AMBRA1: variants seen among roughly 807,000 people sequenced by gnomAD.
The protein encoded by AMBRA1 is autophagy and beclin 1 regulator 1, also known as activating molecule in BECN1-regulated autophagy protein 1.
AMBRA1 carries 47 observed loss-of-function variants against 125.4 expected under a neutral mutation model. The ratio of observed to expected loss-of-function variants is 0.37; its 90% CI spans 0.30 to 0.48. The LOEUF is 0.48. AMBRA1 is among the 20% of genes least tolerant of loss of function. The pLI is 0.99. For missense variants in AMBRA1, 1,331 were observed against 1,693.4 expected (o/e 0.79, Z 3.76); for synonymous variants, 626 against 655.5 (o/e 0.95, Z 0.69).
chr11:46,515,341 T>C (rs1233695170), intron 7 of AMBRA1, among the ~76,000 whole-genome samples: 1 of 152,054 alleles, frequency 6.6e-6, no homozygotes, highest in Non-Finnish European at 1.5e-5. Flanking sequence ...GGCGTGGTGG[T>C]GCGTGCCTAT....
intron 11 of AMBRA1, among the ~76,000 whole-genome samples, chr11:46,461,576 G>T (rs1351545178): frequency 2.6e-5 from 4 of 152,198 alleles, no homozygotes; most frequent in African/African-American, 9.7e-5. Flanking sequence ...AATACTTGGG[G>T]ATGTGGAGTC....
At chr11:46,484,979 C>A (rs1327234813) in intron 11 of AMBRA1, among the ~76,000 whole-genome samples, 1 of 151,582 alleles carries the variant, frequency 6.6e-6, no homozygotes, top group Non-Finnish European at 1.5e-5. Context: ...CTCTTGTCCC[C>A]CAGGCTGGAG....
rs1249043808 is a variant in AMBRA1, at chr11:46,499,727, G to C, written c.2340-5523C>G. Among the ~76,000 whole-genome samples the C allele has an allele frequency of 3.3e-5, 5 of 151,976 alleles. No homozygotes were observed. The South Asian group carries it at 8.3e-4, about 25-fold the overall frequency. ...GCTGGAGTGTAGTGGTGCAATCTCA[G>C]TTCACTGCAACCTCCGCCTCCTGTG... On this transcript the variant is annotated intron_variant, in intron 9 of 17. Transcript: ENST00000683756.
At chr11:46,425,380 G>A (rs898062165) in intron 14 of AMBRA1, among the ~76,000 whole-genome samples, 7 of 151,182 alleles carry the variant, frequency 4.6e-5, no homozygotes, top group South Asian at 2.1e-4. Context: ...GTTCAGGACA[G>A]GGATTATATT....
intron 7 of AMBRA1, among the ~76,000 whole-genome samples, chr11:46,534,337 A>G (rs972379985): frequency 4.0e-5 from 6 of 151,692 alleles, no homozygotes; most frequent in Non-Finnish European, 8.8e-5. Context: ...TACTAAAAAT[A>G]CAGAAAAGTT....
chr11:46,426,283 C>T (rs1448742504), intron 14 of AMBRA1, among the ~76,000 whole-genome samples: 1 of 152,108 alleles, frequency 6.6e-6, no homozygotes, highest in African/African-American at 2.4e-5. Context: ...AGGAAGCAAA[C>T]GTTGCATGCC....
chr11:46,470,493 G>A (rs532842665), intron 11 of AMBRA1, among the ~76,000 whole-genome samples: 62 of 150,992 alleles, frequency 4.1e-4, no homozygotes, highest in African/African-American at 1.5e-3. Context: ...GGAGGCTGAG[G>A]CAGGAGAATG....
At chr11:46,507,879 G>T (rs559769971) in intron 9 of AMBRA1, among the ~76,000 whole-genome samples, 18 of 152,168 alleles carry the variant, frequency 1.2e-4, no homozygotes, top group Non-Finnish European at 2.6e-4. Flanking sequence ...GCTTTCCACG[G>T]TCACTGGACA....
At position 46,584,385 on chromosome 11, in the gene AMBRA1, AG is replaced by A. The variant is rs1254727423; in HGVS notation, c.-121+9442del. On this transcript the variant is annotated intron_variant, in intron 1 of 17. Coordinates refer to ENST00000683756, the MANE Select transcript of AMBRA1 (RefSeq NM_001387011.1). ...CTGGGGACTGTTGTGGGGTGGGGGG[AG>A]GGGGGAGGGATAGCATTAGGAGATA... Among the ~76,000 whole-genome samples the A allele has an allele frequency of 3.8e-3, 234 of 62,208 alleles. 1 individual carries two copies. The highest frequency in any genetic ancestry group is 5.8e-3 in the Non-Finnish European group (203 of 34,778). 40.8% of individuals were successfully genotyped at this position (62,208 alleles called of 152,430 possible).
chr11:46,477,883 C>T (rs1472988716), intron 11 of AMBRA1, among the ~76,000 whole-genome samples: 1 of 151,974 alleles, frequency 6.6e-6, no homozygotes, highest in Non-Finnish European at 1.5e-5. Context: ...CGAGACCAGC[C>T]TGGTCAACAT....
At chr11:46,534,681 C>CT (rs1204236218) in intron 7 of AMBRA1, among the ~76,000 whole-genome samples, 1 of 152,088 alleles carries the variant, frequency 6.6e-6, no homozygotes, top group East Asian at 1.9e-4. Context: ...TTCCCTCTTC[C>CT]TTTTTCTGAG....
In AMBRA1 at chr11:46,527,477, C is replaced by CAAAAA. The variant is rs59904013; in HGVS notation, c.2072+14463_2072+14467dup. On this transcript the variant is annotated intron_variant, in intron 7 of 17. Transcript: ENST00000683756. ...CCTAGGTGACAAAGTGAGACTGTCT[C>CAAAAA]AAAAAAAAAAAAAAAAAAAAAAAAA... Among the ~76,000 whole-genome samples the CAAAAA allele has an allele frequency of 4.3e-3, 111 of 25,942 alleles. 13 individuals carry two copies. Among genetic ancestry groups the CAAAAA allele is most frequent in the African/African-American group, 0.019 (99 of 5,092 alleles). 17.0% of individuals were successfully genotyped at this position (25,942 alleles called of 152,430 possible). A position where few individuals can be genotyped will look rare whatever the true frequency, so the allele number is the denominator to read the frequency against.
At chr11:46,411,294 A>G (rs907720650) in intron 15 of AMBRA1, among the ~76,000 whole-genome samples, 1 of 152,250 alleles carries the variant, frequency 6.6e-6, no homozygotes, top group Admixed American at 6.5e-5. Context: ...AACATCCCCA[A>G]GTGAGTGTAT....
At chr11:46,435,639 G>C (rs1332430837) in intron 12 of AMBRA1, among the ~76,000 whole-genome samples, 1 of 152,226 alleles carries the variant, frequency 6.6e-6, no homozygotes, top group Non-Finnish European at 1.5e-5. Flanking sequence ...ACAGAACAAA[G>C]CCCAGCTGCG....
chr11:46,534,483 G>A lies in AMBRA1; in HGVS notation c.2072+7462C>T, dbSNP rs185244647. Among the ~76,000 whole-genome samples the A allele has an allele frequency of 1.4e-4, 21 of 152,142 alleles. No individual in the cohort carries two copies. In the East Asian group the frequency reaches 3.5e-3, roughly 25 times the overall value. On this transcript the variant is annotated intron_variant, in intron 7 of 17. Transcript: ENST00000683756. The stretch of plus-strand genomic sequence containing the variant: ...GCACTCCAGCCTGGGCAAGAAGAGC[G>A]AAACTCCATCTCAAAATAAAGTAAA...
chr11:46,480,478 T>C (rs1950017171), intron 11 of AMBRA1, among the ~76,000 whole-genome samples: 2 of 152,182 alleles, frequency 1.3e-5, no homozygotes, highest in South Asian at 4.1e-4. Flanking sequence ...CTAAATGACA[T>C]AATGGCCAAA....
rs552799843 is a variant in AMBRA1, at chr11:46,544,399, A to G, written c.552-358T>C. ...GCCACAGAATCAGTTCTTCCCTCATATGGCAGCTACACCGGCAAGAAGCAT... is the reference window on the plus strand; with the variant it reads ...GCCACAGAATCAGTTCTTCCCTCATGTGGCAGCTACACCGGCAAGAAGCAT... On this transcript the variant is annotated intron_variant, in intron 5 of 17. Transcript: ENST00000683756. Among the ~76,000 whole-genome samples the G allele has an allele frequency of 2.0e-5, 3 of 152,246 alleles. No individual in the cohort carries two copies. The East Asian group carries it at 5.8e-4, about 29-fold the overall frequency.
At chr11:46,566,278 C>T (rs1431898120) in intron 1 of AMBRA1, among the ~76,000 whole-genome samples, 1 of 152,040 alleles carries the variant, frequency 6.6e-6, no homozygotes. Flanking sequence ...ACTAGCTGGC[C>T]ATGGTGGCGG....
chr11:46,467,152 A>T (rs1394155753), intron 11 of AMBRA1, among the ~76,000 whole-genome samples: 1 of 151,988 alleles, frequency 6.6e-6, no homozygotes, highest in African/African-American at 2.4e-5. Context: ...CCTGATCTCA[A>T]GGGATCTGCC....
Sources: gnomAD v4.1 joint callset for allele counts (sites outside exome capture counted in the v4.1 genomes callset) on GRCh38, gnomAD v4.1.1 for gene constraint, MANE v1.5 for transcripts, NCBI Gene and HGNC (gene_info 2026-07-23, HGNC 2026-07-21) for gene names.